Variants in CYB5A observed in about 807,000 individuals in gnomAD.
CYB5A encodes the protein cytochrome b5.
CYB5A carries 10 observed loss-of-function variants against 16.2 expected under a neutral mutation model. That is an observed-to-expected ratio of 0.62 (90% CI 0.38 to 1.04). CYB5A has a LOEUF of 1.04. Among genes scored for constraint, CYB5A ranks in the 50% least tolerant of loss-of-function variants. The pLI, the probability that CYB5A is intolerant of heterozygous loss-of-function variation, is 0.01. For synonymous variants in CYB5A, 62 were observed against 57.0 expected (o/e 1.09, Z -0.40); for missense variants, 161 against 165.9 (o/e 0.97, Z 0.16).
intron 1 of CYB5A, among the ~76,000 whole-genome samples, chr18:74,275,984 G>A (rs1335569386): frequency 3.3e-5 from 5 of 151,976 alleles, no homozygotes; most frequent in South Asian, 2.1e-4. Context: ...GCCCAGAGGC[G>A]TCTCCAACCC....
At chr18:74,291,437 T>G (rs1472986429) in intron 1 of CYB5A, among the ~76,000 whole-genome samples, 3 of 124,736 alleles carry the variant, frequency 2.4e-5, no homozygotes, top group Non-Finnish European at 5.3e-5. Flanking sequence ...TCCCCAGGTG[T>G]GCACGCGCAG....
chr18:74,262,777 T>C (rs1243527926), intron 2 of CYB5A, among the ~76,000 whole-genome samples: 1 of 152,134 alleles, frequency 6.6e-6, no homozygotes, highest in African/African-American at 2.4e-5. Flanking sequence ...TGCTGCCCCA[T>C]GGAATTTCTA....
At chr18:74,263,693 G>A (rs1455045674) in intron 1 of CYB5A, among the ~76,000 whole-genome samples, 1 of 152,028 alleles carries the variant, frequency 6.6e-6, no homozygotes, top group Non-Finnish European at 1.5e-5. Flanking sequence ...AGAATCACTT[G>A]GGCCCAAGTT....
chr18:74,260,597 G>T (rs1982159473), intron 3 of CYB5A: 2 of 406,806 alleles, frequency 4.9e-6, no homozygotes, highest in Non-Finnish European at 9.3e-6. Context: ...CTGAAAATAA[G>T]GCTTGTGTCA....
At chr18:74,257,878 G>A (rs4327143) in intron 3 of CYB5A, 112,329 of 152,110 alleles carry the variant, frequency 0.74, 41,560 homozygotes, top group Middle Eastern at 0.8. Flanking sequence ...GATCCATGCC[G>A]CTGCATTGCA....
At chr18:74,271,167 T>C (rs1252538300) in intron 1 of CYB5A, among the ~76,000 whole-genome samples, 2 of 152,254 alleles carry the variant, frequency 1.3e-5, no homozygotes, top group African/African-American at 4.8e-5. Flanking sequence ...CTGTCTACTA[T>C]GTGCAAGGCA....
chr18:74,274,233 T>C (rs968459469), intron 1 of CYB5A, among the ~76,000 whole-genome samples: 1 of 152,242 alleles, frequency 6.6e-6, no homozygotes, highest in Admixed American at 6.5e-5. Context: ...GGTTTGTATG[T>C]TGAGGCCAAA....
chr18:74,264,309 C>T (rs565865256), intron 1 of CYB5A, among the ~76,000 whole-genome samples: 32 of 152,266 alleles, frequency 2.1e-4, no homozygotes, highest in Admixed American at 7.2e-4. Context: ...AAGCATGAGG[C>T]TCGTGTCCTT....
At position 74,281,382 on chromosome 18, in the gene CYB5A, A is replaced by C. The variant is rs374638263; in HGVS notation, c.129+10365T>G. Reference sequence around the variant, plus strand: ...CACATTAAAGCCATGCTACTGTGTGAGCCTGCCAAAGCGGAAAAGCCCAGG... The same window carrying C: ...CACATTAAAGCCATGCTACTGTGTGCGCCTGCCAAAGCGGAAAAGCCCAGG... On this transcript the variant is annotated intron_variant, in intron 1 of 4. Transcript: ENST00000340533. Among the ~76,000 whole-genome samples, 3 of 152,218 alleles carry C rather than the reference A, an allele frequency of 2.0e-5. No homozygotes were observed. The East Asian group carries it at 5.8e-4, about 29-fold the overall frequency.
Position 74,286,253 on chromosome 18 carries a change from G to A in CYB5A, c.129+5494C>T, listed in dbSNP as rs80104552. Among the ~76,000 whole-genome samples, 784 of 152,330 alleles carry A rather than the reference G, an allele frequency of 5.1e-3. 8 individuals are homozygous for A. The highest frequency in any genetic ancestry group is 0.018 in the African/African-American group (745 of 41,574). ...CTGTCCACTTCCTTAACATGATCAT[G>A]TATTATTTTCCCCTTACACAATAAA... On this transcript the variant is annotated intron_variant, in intron 1 of 4. Coordinates refer to ENST00000340533, the MANE Select transcript of CYB5A (RefSeq NM_148923.4).
Position 74,273,983 on chromosome 18 carries a change from A to C in CYB5A, c.130-10506T>G, listed in dbSNP as rs750402325. 9.3e-4 allele frequency among the ~76,000 whole-genome samples: 142 copies of C among 152,214 alleles called. 1 individual carries two copies. Among genetic ancestry groups the C allele is most frequent in the Non-Finnish European group, 1.2e-3 (82 of 68,040 alleles). On this transcript the variant is annotated intron_variant, in intron 1 of 4. Transcript: ENST00000340533. ...TTCACATGGCACAGCCAATCCCTAG[A>C]AGGCCTTCTTCATTTGCACGCCATT...
chr18:74,273,622 C>CGGCCCT (rs1982756006), intron 1 of CYB5A, among the ~76,000 whole-genome samples: 1 of 152,230 alleles, frequency 6.6e-6, no homozygotes, highest in African/African-American at 2.4e-5. Flanking sequence ...GGCCTAGCCA[C>CGGCCCT]GGCCCTGGCC....
At chr18:74,257,576 C>T (rs1568214073) in intron 3 of CYB5A, 3 of 152,334 alleles carry the variant, frequency 2.0e-5, no homozygotes, top group Non-Finnish European at 2.9e-5. Context: ...CTGTTCACTC[C>T]ATGACTTCGA....
At chr18:74,267,596 T>G (rs951521084) in intron 1 of CYB5A, among the ~76,000 whole-genome samples, 1 of 152,136 alleles carries the variant, frequency 6.6e-6, no homozygotes, top group Non-Finnish European at 1.5e-5. Flanking sequence ...TTGGGCAGGT[T>G]ATAGCACTTG....
rs541876209 is a variant in CYB5A at position 74,291,628 on chromosome 18, C to CGG, written c.129+117_129+118dup. Reference sequence around the variant, plus strand: ...GCGTACACGCGCAGGTGAGCGAACTCGGGGGGCGCGCCTAGGCGTAGGTAT... The same window carrying CGG: ...GCGTACACGCGCAGGTGAGCGAACTCGGGGGGGGCGCGCCTAGGCGTAGGTAT... On this transcript the variant is annotated intron_variant, in intron 1 of 4. Transcript: ENST00000340533. 6 of 1,475,088 alleles carry CGG rather than the reference C, an allele frequency of 4.1e-6. No homozygotes were observed. The Middle Eastern group carries it at 5.2e-4, about 129-fold the overall frequency. The allele number at this position is 1,475,088 out of a possible 1,614,324, so 91.4% of individuals were successfully genotyped here.
At chr18:74,288,304 A>G (rs1454078000) in intron 1 of CYB5A, among the ~76,000 whole-genome samples, 2 of 152,194 alleles carry the variant, frequency 1.3e-5, no homozygotes, top group African/African-American at 4.8e-5. Flanking sequence ...GGACATGCAC[A>G]TAAATCTAGG....
chr18:74,287,469 A>G (rs1983364326), intron 1 of CYB5A, among the ~76,000 whole-genome samples: 1 of 152,210 alleles, frequency 6.6e-6, no homozygotes, highest in Non-Finnish European at 1.5e-5. Flanking sequence ...ATGGAAAATA[A>G]CAAAGAGCAA....
chr18:74,262,877 T>C (rs1298219302), intron 2 of CYB5A, among the ~76,000 whole-genome samples: 2 of 152,014 alleles, frequency 1.3e-5, no homozygotes, highest in Non-Finnish European at 2.9e-5. Flanking sequence ...AGGCCAGGTG[T>C]GGGGGCTCAC....
rs78446215 is a variant in CYB5A at position 74,255,934 on chromosome 18, C to T, written c.289-159G>A. 3.7e-3 allele frequency: 2,275 copies of T among 619,796 alleles called. 33 individuals are homozygous for T. The African/African-American group carries it at 0.038, about 10-fold the overall frequency. 38.4% of individuals were successfully genotyped at this position (619,796 alleles called of 1,614,324 possible). ...TTATAAACTTCTTTTCACTAAAATGCCTAACTTTGTTTTCTTCCAGAGTAA... is the reference window on the plus strand; with the variant it reads ...TTATAAACTTCTTTTCACTAAAATGTCTAACTTTGTTTTCTTCCAGAGTAA... On this transcript the variant is annotated intron_variant, in intron 3 of 4. Coordinates refer to ENST00000340533, the MANE Select transcript of CYB5A (RefSeq NM_148923.4).
Sources: gnomAD v4.1 joint callset for allele counts (sites outside exome capture counted in the v4.1 genomes callset) on GRCh38, gnomAD v4.1.1 for gene constraint, MANE v1.5 for transcripts, NCBI Gene and HGNC (gene_info 2026-07-23, HGNC 2026-07-21) for gene names.